The following EDIL3 variants were observed in gnomAD, a reference collection of about 807,000 sequenced individuals.
EDIL3 encodes EGF like and discoidin domains 3, also known as EGF-like repeat and discoidin I-like domain-containing protein 3.
Under a neutral mutation model 67.4 loss-of-function variants are expected in EDIL3, and 37 were observed. The ratio of observed to expected loss-of-function variants is 0.55; its 90% CI spans 0.42 to 0.72. The LOEUF (loss-of-function observed/expected upper bound fraction) is 0.72. EDIL3 is among the 30% of genes least tolerant of loss of function. The pLI is 0.00. For synonymous variants in EDIL3, 195 were observed against 196.3 expected (o/e 0.99, Z 0.05); for missense variants, 527 against 586.3 (o/e 0.90, Z 1.04).
chr5:84,277,217 G>A (rs891716193), intron 1 of EDIL3, among the ~76,000 whole-genome samples: 1 of 152,070 alleles, frequency 6.6e-6, no homozygotes, highest in Non-Finnish European at 1.5e-5. Flanking sequence ...GTATTAAGAG[G>A]TGGGGCTTTT....
At position 84,340,571 on chromosome 5, in the gene EDIL3, T is replaced by TATAA. The variant is rs1747089924; in HGVS notation, c.67+43736_67+43737insTTAT. Among the ~76,000 whole-genome samples, 4 of 136,814 alleles carry TATAA rather than the reference T, an allele frequency of 2.9e-5. No individual in the cohort carries two copies. In the Admixed American group the frequency reaches 3.0e-4, roughly 10 times the overall value. The allele number at this position is 136,814 out of a possible 152,430, so 89.8% of individuals were successfully genotyped here. On this transcript the variant is annotated intron_variant, in intron 1 of 10. Coordinates refer to ENST00000296591, the MANE Select transcript of EDIL3 (RefSeq NM_005711.5). ...ATATATATATATATATATATATATA[T>TATAA]GTTAGTCTACATATATATATGTATG...
At chr5:83,959,449 G>T (rs2112125773) in intron 10 of EDIL3, among the ~76,000 whole-genome samples, 1 of 150,970 alleles carries the variant, frequency 6.6e-6, no homozygotes, top group East Asian at 2.0e-4. Flanking sequence ...AAAGCAAGCA[G>T]TCAATAAAAA....
chr5:84,356,497 T>C (rs1747483221), intron 1 of EDIL3, among the ~76,000 whole-genome samples: 2 of 152,240 alleles, frequency 1.3e-5, no homozygotes, highest in South Asian at 4.1e-4. Flanking sequence ...GTATTCTGCA[T>C]AACGATCACT....
At chr5:84,316,370 C>T (rs1746511465) in intron 1 of EDIL3, among the ~76,000 whole-genome samples, 1 of 152,122 alleles carries the variant, frequency 6.6e-6, no homozygotes, top group African/African-American at 2.4e-5. Context: ...AGACCCATCT[C>T]ACATGCAAAG....
intron 9 of EDIL3, among the ~76,000 whole-genome samples, chr5:84,048,686 A>T (rs889139366): frequency 6.6e-6 from 1 of 152,034 alleles, no homozygotes; most frequent in African/African-American, 2.4e-5. Context: ...CGTTTAGTAG[A>T]TTTAATTATG....
At chr5:84,300,883 A>G (rs981106015) in intron 1 of EDIL3, among the ~76,000 whole-genome samples, 2 of 152,076 alleles carry the variant, frequency 1.3e-5, no homozygotes, top group African/African-American at 4.8e-5. Context: ...CTAGACCTAG[A>G]ATTTAGGTAT....
intron 8 of EDIL3, among the ~76,000 whole-genome samples, chr5:84,060,729 A>T (rs1383819789): frequency 6.6e-6 from 1 of 152,208 alleles, no homozygotes; most frequent in Non-Finnish European, 1.5e-5. Flanking sequence ...AAGACAGACA[A>T]TTTAAACTAC....
chr5:83,943,820 C>T (rs1744266941), intron 10 of EDIL3, among the ~76,000 whole-genome samples: 1 of 151,852 alleles, frequency 6.6e-6, no homozygotes. Flanking sequence ...CTACTTGTTT[C>T]TCTCAATTAA....
intron 6 of EDIL3, among the ~76,000 whole-genome samples, chr5:84,099,579 A>C (rs993137952): frequency 4.8e-5 from 7 of 146,014 alleles, no homozygotes; most frequent in African/African-American, 1.8e-4. Flanking sequence ...AAATTAACTC[A>C]AGATGGATTA....
chr5:84,328,989 G>T (rs1480325656), intron 1 of EDIL3, among the ~76,000 whole-genome samples: 1 of 152,022 alleles, frequency 6.6e-6, no homozygotes, highest in Non-Finnish European at 1.5e-5. Context: ...CTGAAAAGCA[G>T]CCCTGAATCT....
intron 10 of EDIL3, among the ~76,000 whole-genome samples, chr5:83,951,199 A>G (rs1744414754): frequency 6.6e-6 from 1 of 151,800 alleles, no homozygotes; most frequent in East Asian, 1.9e-4. Flanking sequence ...GGCATGATCC[A>G]TTTAAACCAT....
intron 9 of EDIL3, among the ~76,000 whole-genome samples, chr5:84,032,632 CT>C (rs1208596449): frequency 6.6e-6 from 1 of 151,990 alleles, no homozygotes; most frequent in East Asian, 1.9e-4. Flanking sequence ...GGAAGAAAAG[CT>C]TTCATTTTCA....
At chr5:84,024,823 C>G (rs752861225) in intron 9 of EDIL3, among the ~76,000 whole-genome samples, 2 of 151,196 alleles carry the variant, frequency 1.3e-5, no homozygotes, top group Admixed American at 6.6e-5. Context: ...CACTCTATTA[C>G]CTTTTGAGTA....
Position 84,305,883 on chromosome 5 carries a change from GTAAATAAATAAATAAA to G in EDIL3, c.68-51687_68-51672del, listed in dbSNP as rs769566499. Among the ~76,000 whole-genome samples, 57 of 138,762 alleles carry G rather than the reference GTAAATAAATAAATAAA, an allele frequency of 4.1e-4. 1 individual carries two copies. The highest frequency in any genetic ancestry group is 2.4e-3 in the East Asian group (12 of 5,004). 91.0% of individuals were successfully genotyped at this position (138,762 alleles called of 152,430 possible). ...GACAGAGCAAGACTTGGTCTTAAAA[GTAAATAAATAAATAAA>G]TAAATAAATAAATAAATAAATAGAT... On this transcript the variant is annotated intron_variant, in intron 1 of 10. Transcript: ENST00000296591.
At chr5:84,165,824 C>G (rs2112344051) in intron 4 of EDIL3, among the ~76,000 whole-genome samples, 1 of 152,254 alleles carries the variant, frequency 6.6e-6, no homozygotes, top group African/African-American at 2.4e-5. Context: ...TGCTTGTAGA[C>G]AGTTATGCAT....
At chr5:84,203,324 A>G (rs771458136) in intron 3 of EDIL3, among the ~76,000 whole-genome samples, 49 of 152,206 alleles carry the variant, frequency 3.2e-4, no homozygotes, top group Non-Finnish European at 5.1e-4. Context: ...CTAAATTAAA[A>G]TAAGAATTAA....
intron 3 of EDIL3, among the ~76,000 whole-genome samples, chr5:84,193,352 T>C (rs1743631035): frequency 6.6e-6 from 1 of 151,940 alleles, no homozygotes; most frequent in African/African-American, 2.4e-5. Context: ...GACTATTCTG[T>C]TTCTAGATTT....
chr5:84,121,194 T>C (rs1248637025), intron 5 of EDIL3, among the ~76,000 whole-genome samples: 1 of 152,010 alleles, frequency 6.6e-6, no homozygotes, highest in Non-Finnish European at 1.5e-5. Context: ...CTTAGTTTCA[T>C]TGCTATCTGC....
chr5:84,353,071 A>G (rs768297832), intron 1 of EDIL3, among the ~76,000 whole-genome samples: 2 of 152,112 alleles, frequency 1.3e-5, no homozygotes, highest in Admixed American at 6.6e-5. Flanking sequence ...ATGGGCATCA[A>G]TCAATGTGAA....
Sources: gnomAD v4.1 joint callset for allele counts (sites outside exome capture counted in the v4.1 genomes callset) on GRCh38, gnomAD v4.1.1 for gene constraint, MANE v1.5 for transcripts, NCBI Gene and HGNC (gene_info 2026-07-23, HGNC 2026-07-21) for gene names.